The following MRAS variants were observed in gnomAD, a reference collection of about 807,000 sequenced individuals.
MRAS encodes muscle RAS oncogene homolog.
MRAS carries 4 observed loss-of-function variants against 20.9 expected under a neutral mutation model. The ratio of observed to expected loss-of-function variants is 0.19; its 90% CI spans 0.09 to 0.44. The LOEUF (loss-of-function observed/expected upper bound fraction) is 0.44. MRAS is among the 20% of genes least tolerant of loss of function. The pLI is 0.99. For synonymous variants in MRAS, 98 were observed against 102.9 expected (o/e 0.95, Z 0.29); for missense variants, 154 against 277.5 (o/e 0.56, Z 3.16).
chr3:138,402,315 C>A lies in MRAS; in HGVS notation c.*46C>A, dbSNP rs375439719. ...CAGTGACGGTGGCCTGGCCAGCCCT[C>A]GGGACCCCTCCCCACCTAACTGCAC... On this transcript the variant is annotated 3_prime_UTR_variant, in exon 6 of 6. Transcript: ENST00000423968. 3.9e-6 allele frequency: 6 copies of A among 1,519,304 alleles called. No individual in the cohort carries two copies. Among genetic ancestry groups the A allele is most frequent in the Non-Finnish European group, 5.5e-6 (6 of 1,097,124 alleles). The allele number at this position is 1,519,304 out of a possible 1,614,324, so 94.1% of individuals were successfully genotyped here.
chr3:138,376,586 T>C (rs904241711), intron 2 of MRAS, among the ~76,000 whole-genome samples: 1 of 152,180 alleles, frequency 6.6e-6, no homozygotes, highest in Non-Finnish European at 1.5e-5. Flanking sequence ...AGCTATATTA[T>C]TTTTTTCTAA....
chr3:138,354,411 C>T (rs1490563765), intron 1 of MRAS, among the ~76,000 whole-genome samples: 2 of 152,224 alleles, frequency 1.3e-5, no homozygotes, highest in Non-Finnish European at 2.9e-5. Context: ...CATCCTCAGC[C>T]TGCAATGGGC....
chr3:138,381,546 C>G (rs2054904822), intron 2 of MRAS, among the ~76,000 whole-genome samples: 3 of 152,242 alleles, frequency 2.0e-5, no homozygotes, highest in Non-Finnish European at 2.9e-5. Context: ...GGCTCCCAGC[C>G]CCGCCCTCTG....
At position 138,373,078 on chromosome 3, in the gene MRAS, T is replaced by C; in HGVS notation, c.193+2T>C. 1 of 1,464,320 alleles carries C rather than the reference T, an allele frequency of 6.8e-7. No individual in the cohort carries two copies. The highest frequency in any genetic ancestry group is 9.0e-7 in the Non-Finnish European group (1 of 1,107,682). 90.7% of individuals were successfully genotyped at this position (1,464,320 alleles called of 1,614,324 possible). On this transcript the variant is annotated splice_donor_variant, in intron 2 of 5. Coordinates refer to ENST00000423968, the MANE Select transcript of MRAS (RefSeq NM_001085049.3). LOFTEE classifies it high-confidence loss of function. ...ACAATCAATGGGCCATCTTGGACGGTGAGACCTGGGTGGCAGCCCTGCATT... is the reference window on the plus strand; with the variant it reads ...ACAATCAATGGGCCATCTTGGACGGCGAGACCTGGGTGGCAGCCCTGCATT...
chr3:138,352,595 G>A (rs557701667), intron 1 of MRAS, among the ~76,000 whole-genome samples: 36 of 152,088 alleles, frequency 2.4e-4, no homozygotes, highest in Admixed American at 1.5e-3. Context: ...GCTTCACTAG[G>A]TGGGGACTGC....
At chr3:138,394,096 T>TC (rs2055185231) in intron 2 of MRAS, among the ~76,000 whole-genome samples, 1 of 148,100 alleles carries the variant, frequency 6.8e-6, no homozygotes, top group Non-Finnish European at 1.5e-5. Flanking sequence ...TTTTTTTTTT[T>TC]CTAAGAAAAA....
intron 2 of MRAS, among the ~76,000 whole-genome samples, chr3:138,392,677 A>C (rs926172272): frequency 6.6e-6 from 1 of 152,120 alleles, no homozygotes; most frequent in African/African-American, 2.4e-5. Context: ...TTTGGTTACC[A>C]TGTGGCTGGC....
At chr3:138,379,056 A>G (rs1448892198) in intron 2 of MRAS, among the ~76,000 whole-genome samples, 1 of 152,124 alleles carries the variant, frequency 6.6e-6, no homozygotes, top group Non-Finnish European at 1.5e-5. Flanking sequence ...TCTTCTAGCT[A>G]TTTTGAAATT....
At chr3:138,357,611 A>G (rs542405769) in intron 1 of MRAS, among the ~76,000 whole-genome samples, 25 of 152,324 alleles carry the variant, frequency 1.6e-4, no homozygotes, top group Non-Finnish European at 3.1e-4. Flanking sequence ...TTGCCCAAGT[A>G]TTGATGACAG....
intron 2 of MRAS, among the ~76,000 whole-genome samples, chr3:138,376,363 A>C (rs1329476646): frequency 1.3e-5 from 2 of 152,114 alleles, no homozygotes; most frequent in Admixed American, 1.3e-4. Flanking sequence ...TCTGCCTTTT[A>C]TGGTTGGACA....
chr3:138,376,606 C>T (rs150427685), intron 2 of MRAS, among the ~76,000 whole-genome samples: 10 of 152,248 alleles, frequency 6.6e-5, no homozygotes, highest in African/African-American at 1.9e-4. Flanking sequence ...ACTCACATTA[C>T]AATAATAAGT....
At chr3:138,348,537 G>A (rs1201131530), upstream of MRAS, 5 of 152,088 alleles carry the variant, frequency 3.3e-5, no homozygotes, top group African/African-American at 9.6e-5. Context: ...TTTTTAGCAG[G>A]CGCTGTGGCA....
intron 1 of MRAS, among the ~76,000 whole-genome samples, chr3:138,365,538 G>A (rs1411234937): frequency 6.6e-6 from 1 of 152,344 alleles, no homozygotes; most frequent in South Asian, 2.1e-4. Context: ...CAGCAGTCCA[G>A]GTGTGATCCT....
At chr3:138,383,821 C>T (rs2054954539) in intron 2 of MRAS, among the ~76,000 whole-genome samples, 2 of 152,262 alleles carry the variant, frequency 1.3e-5, no homozygotes, top group Non-Finnish European at 2.9e-5. Flanking sequence ...AGAGCATAAA[C>T]AAATATGTAT....
intron 1 of MRAS, among the ~76,000 whole-genome samples, chr3:138,355,696 T>G (rs540733329): frequency 1.3e-5 from 2 of 152,318 alleles, no homozygotes; most frequent in South Asian, 4.1e-4. Flanking sequence ...TTTGGGAGAT[T>G]GAGGCAGGAG....
chr3:138,381,338 G>A (rs1006615853), intron 2 of MRAS, among the ~76,000 whole-genome samples: 6 of 152,214 alleles, frequency 3.9e-5, no homozygotes, highest in African/African-American at 1.4e-4. Context: ...GGTACAGATG[G>A]AGAGGTCACT....
chr3:138,358,369 A>G (rs1576342004), intron 1 of MRAS, among the ~76,000 whole-genome samples: 1 of 152,136 alleles, frequency 6.6e-6, no homozygotes, highest in African/African-American at 2.4e-5. Flanking sequence ...GGGCCATTAA[A>G]TAACTCATCT....
chr3:138,387,191 T>G (rs1282459115), intron 2 of MRAS, among the ~76,000 whole-genome samples: 1 of 152,174 alleles, frequency 6.6e-6, no homozygotes, highest in Non-Finnish European at 1.5e-5. Flanking sequence ...CTGAAGGCCC[T>G]GGAAGTTGAT....
rs2055301221 is a variant in MRAS, at chr3:138,398,971, C to T, written c.447+403C>T. On this transcript the variant is annotated intron_variant, in intron 4 of 5. Transcript: ENST00000423968. The stretch of plus-strand genomic sequence containing the variant: ...GCTGCGGTGCCTTCCTGCCTCCCCT[C>T]TGGGTGTGTGCAGGGATGCACGTTG... Among the ~76,000 whole-genome samples the T allele has an allele frequency of 2.6e-5, 4 of 152,214 alleles. No individual in the cohort carries two copies. The South Asian group carries it at 8.3e-4, about 31-fold the overall frequency.
Sources: allele counts gnomAD v4.1 joint callset (sites outside exome capture counted in the v4.1 genomes callset), GRCh38; gene constraint gnomAD v4.1.1; transcripts MANE v1.5; gene names NCBI Gene and HGNC (gene_info 2026-07-23, HGNC 2026-07-21).